The following ASIC2 variants were observed in gnomAD, a reference collection of about 807,000 sequenced individuals.
ASIC2 encodes the protein acid-sensing ion channel 2.
Under a neutral mutation model 57.3 loss-of-function variants are expected in ASIC2, and 25 were observed. That is an observed-to-expected ratio of 0.44 (90% CI 0.32 to 0.61). The LOEUF is 0.61. Among genes scored for constraint, ASIC2 ranks in the 20% least tolerant of loss-of-function variants. The pLI, the probability that ASIC2 is intolerant of heterozygous loss-of-function variation, is 0.06. For missense variants in ASIC2, 641 were observed against 738.1 expected (o/e 0.87, Z 1.52); for synonymous variants, 319 against 307.5 (o/e 1.04, Z -0.39).
chr17:33,699,666 C>T (rs982344570), intron 1 of ASIC2, among the ~76,000 whole-genome samples: 1 of 152,182 alleles, frequency 6.6e-6, no homozygotes, highest in Non-Finnish European at 1.5e-5. Flanking sequence ...GGTTGGGAAA[C>T]CATGGTCTAC....
At chr17:33,969,208 T>G (rs914474059) in intron 1 of ASIC2, among the ~76,000 whole-genome samples, 2 of 152,198 alleles carry the variant, frequency 1.3e-5, no homozygotes, top group African/African-American at 4.8e-5. Flanking sequence ...GTCCCTCGCT[T>G]CTTGGGGGAC....
chr17:33,799,403 T>TTTCTTTCTTTCTTTCTTTCTTTC lies in ASIC2; in HGVS notation c.555+356574_555+356575insGAAAGAAAGAAAGAAAGAAAGAA, dbSNP rs756059318. On this transcript the variant is annotated intron_variant, in intron 1 of 9. Coordinates refer to the ASIC2 transcript ENST00000359872. ...CTTTCTTTCTTTCTTTCTTTCTTTC[T>TTTCTTTCTTTCTTTCTTTCTTTC]TTTCTTTCTTTCTTTCTTTCTTTCT... 7.4e-3 allele frequency among the ~76,000 whole-genome samples: 380 copies of TTTCTTTCTTTCTTTCTTTCTTTC among 51,208 alleles called. 13 individuals carry two copies. The highest frequency in any genetic ancestry group is 0.011 in the Middle Eastern group (1 of 90). The allele number at this position is 51,208 out of a possible 152,430, so 33.6% of individuals were successfully genotyped here.
At chr17:33,485,197 T>C (rs772494757) in intron 1 of ASIC2, among the ~76,000 whole-genome samples, 5 of 152,374 alleles carry the variant, frequency 3.3e-5, no homozygotes, top group Non-Finnish European at 5.9e-5. Context: ...TCCTAAGAGT[T>C]CATCATCAGT....
intron 1 of ASIC2, among the ~76,000 whole-genome samples, chr17:33,474,420 T>C (rs1327515368): frequency 3.3e-5 from 5 of 152,064 alleles, no homozygotes; most frequent in Non-Finnish European, 5.9e-5. Flanking sequence ...AAGAGTAAGG[T>C]AATTTAAGCA....
chr17:33,775,582 T>C (rs910673727), intron 1 of ASIC2, among the ~76,000 whole-genome samples: 1 of 152,104 alleles, frequency 6.6e-6, no homozygotes, highest in Non-Finnish European at 1.5e-5. Context: ...CAGGGTCCCA[T>C]AGTGTGCATC....
chr17:33,158,715 T>C (rs77917283), intron 1 of ASIC2, among the ~76,000 whole-genome samples: 1 of 152,356 alleles, frequency 6.6e-6, no homozygotes, highest in East Asian at 1.9e-4. Flanking sequence ...GGGCAAGCCG[T>C]TCAGTCTCTC....
intron 1 of ASIC2, among the ~76,000 whole-genome samples, chr17:33,972,805 T>A (rs1464107971): frequency 6.6e-6 from 1 of 152,244 alleles, no homozygotes; most frequent in Non-Finnish European, 1.5e-5. Flanking sequence ...CATAACACAC[T>A]GTGGGGACTT....
intron 1 of ASIC2, among the ~76,000 whole-genome samples, chr17:33,384,222 A>G (rs1909591510): frequency 6.6e-6 from 1 of 152,228 alleles, no homozygotes; most frequent in African/African-American, 2.4e-5. Flanking sequence ...GGCACTTAAG[A>G]AGGAACATGA....
Position 33,240,866 on chromosome 17 carries a change from A to G in ASIC2, c.708+50542T>C, listed in dbSNP as rs1047946888. 3.3e-5 allele frequency among the ~76,000 whole-genome samples: 5 copies of G among 152,348 alleles called. No individual in the cohort carries two copies. In the East Asian group the frequency reaches 9.6e-4, roughly 29 times the overall value. ...CCCTTCCAAGCAAAGCAAAGCAAACAAACAAACAAAAAAACACCTCAAAGG... is the reference window on the plus strand; with the variant it reads ...CCCTTCCAAGCAAAGCAAAGCAAACGAACAAACAAAAAAACACCTCAAAGG... On this transcript the variant is annotated intron_variant, in intron 1 of 9. Transcript: ENST00000225823.
chr17:33,845,711 G>A (rs1426079509), intron 1 of ASIC2, among the ~76,000 whole-genome samples: 1 of 152,130 alleles, frequency 6.6e-6, no homozygotes, highest in Non-Finnish European at 1.5e-5. Flanking sequence ...TCTTTCTCAT[G>A]CAATGTATAT....
chr17:33,565,789 T>G (rs1916215716), intron 1 of ASIC2: 1 of 152,212 alleles, frequency 6.6e-6, no homozygotes, highest in Non-Finnish European at 1.5e-5. Flanking sequence ...CTCTTCCTCC[T>G]CTGGACGCTG....
intron 1 of ASIC2, among the ~76,000 whole-genome samples, chr17:33,484,233 A>G (rs1913506609): frequency 6.6e-6 from 1 of 152,264 alleles, no homozygotes; most frequent in Admixed American, 6.5e-5. Context: ...AAACTAATAT[A>G]GTCCGACACA....
chr17:33,591,871 C>T (rs1904838439), intron 1 of ASIC2, among the ~76,000 whole-genome samples: 1 of 152,142 alleles, frequency 6.6e-6, no homozygotes, highest in Non-Finnish European at 1.5e-5. Flanking sequence ...TTGCTTGCAC[C>T]TTCAACAGAT....
At chr17:33,740,038 A>G (rs780639544) in intron 1 of ASIC2, among the ~76,000 whole-genome samples, 1 of 152,068 alleles carries the variant, frequency 6.6e-6, no homozygotes, top group Non-Finnish European at 1.5e-5. Context: ...GAAAAAAAAG[A>G]ACAGAGGGAG....
chr17:34,022,198 T>C (rs979815829), intron 1 of ASIC2, among the ~76,000 whole-genome samples: 1 of 152,204 alleles, frequency 6.6e-6, no homozygotes, highest in Admixed American at 6.5e-5. Context: ...GACTCCTCTC[T>C]ACCTCTGGTC....
intron 1 of ASIC2, among the ~76,000 whole-genome samples, chr17:34,140,883 T>C (rs1008307775): frequency 6.6e-6 from 1 of 152,062 alleles, no homozygotes; most frequent in Non-Finnish European, 1.5e-5. Flanking sequence ...GCAAGAGAAA[T>C]CAATGGATGA....
intron 1 of ASIC2, among the ~76,000 whole-genome samples, chr17:33,429,336 C>A (rs1911323299): frequency 6.6e-6 from 1 of 152,148 alleles, no homozygotes; most frequent in Admixed American, 6.5e-5. Context: ...GCTGAGAGAG[C>A]ACAGAGGAGA....
In ASIC2 at chr17:33,920,973, A is replaced by C. The variant is rs531041605; in HGVS notation, c.555+235005T>G. Among the ~76,000 whole-genome samples, 4 of 152,264 alleles carry C rather than the reference A, an allele frequency of 2.6e-5. No homozygotes were observed. The South Asian group carries it at 8.3e-4, about 32-fold the overall frequency. On this transcript the variant is annotated intron_variant, in intron 1 of 9. Transcript: ENST00000359872. ...CAGAGGACTGTGTCCATAACTCATA[A>C]AGTTTATGGGAGGATTCAGGGAACC...
chr17:33,363,394 G>T lies in ASIC2; in HGVS notation c.556-251327C>A, dbSNP rs149288699. 1.0e-3 allele frequency among the ~76,000 whole-genome samples: 157 copies of T among 152,314 alleles called. 1 individual carries two copies. The highest frequency in any genetic ancestry group is 3.7e-3 in the African/African-American group (155 of 41,566). ...TGGAATAAGAGGCAGTGACTTTTCC[G>T]TTGGTTGCTGCAAATGAATGTTAGA... On this transcript the variant is annotated intron_variant, in intron 1 of 9. Coordinates refer to the ASIC2 transcript ENST00000359872.
Sources: gnomAD v4.1 joint callset for allele counts (sites outside exome capture counted in the v4.1 genomes callset) on GRCh38, gnomAD v4.1.1 for gene constraint, MANE v1.5 for transcripts, NCBI Gene and HGNC (gene_info 2026-07-23, HGNC 2026-07-21) for gene names.